The following NALF1 variants were observed in gnomAD, a reference collection of about 807,000 sequenced individuals.
NALF1 encodes the protein family with sequence similarity 155 member A.
In NALF1, 3 loss-of-function variants were observed where a neutral mutation model predicts 48.4. That is an observed-to-expected ratio of 0.06 (90% confidence interval 0.03 to 0.16). The LOEUF is 0.16. Ranked by LOEUF, NALF1 falls within the 10% of genes least tolerant of loss-of-function variation. The probability of loss-of-function intolerance (pLI) is 1.00; values close to 1 mark genes in which losing one functional copy is unlikely to be tolerated. For synonymous variants in NALF1, 262 were observed against 245.7 expected (o/e 1.07, Z -0.62); for missense variants, 526 against 571.5 (o/e 0.92, Z 0.81).
intron 1 of NALF1, among the ~76,000 whole-genome samples, chr13:107,620,656 T>TTTAGTATACAA (rs1879495106): frequency 6.6e-6 from 1 of 152,170 alleles, no homozygotes; most frequent in Non-Finnish European, 1.5e-5. Flanking sequence ...ATAGAAATTG[T>TTTAGTATACAA]AACCACTGTG....
Position 107,262,769 on chromosome 13 carries a change from G to GCTCTCTCTCTCTCTCT in NALF1, c.916-52030_916-52015dup, listed in dbSNP as rs1555329321. Among the ~76,000 whole-genome samples the GCTCTCTCTCTCTCTCT allele has an allele frequency of 8.0e-3, 1,154 of 144,066 alleles. 16 individuals carry two copies. Among genetic ancestry groups the GCTCTCTCTCTCTCTCT allele is most frequent in the African/African-American group, 0.02 (752 of 37,780 alleles). 94.5% of individuals were successfully genotyped at this position (144,066 alleles called of 152,430 possible). A position where few individuals can be genotyped will look rare whatever the true frequency, so the allele number is the denominator to read the frequency against. On this transcript the variant is annotated intron_variant, in intron 1 of 2. Coordinates refer to ENST00000375915, the MANE Select transcript of NALF1 (RefSeq NM_001080396.3). The stretch of plus-strand genomic sequence containing the variant: ...ATATTAAGTTGCATAACCCACAGGC[G>GCTCTCTCTCTCTCTCT]CTCTCTCTCTCTCTCTCTCTCTCTC...
chr13:107,559,026 G>A (rs1187737538), intron 1 of NALF1, among the ~76,000 whole-genome samples: 2 of 152,188 alleles, frequency 1.3e-5, no homozygotes, highest in Non-Finnish European at 2.9e-5. Context: ...GGACCAGATC[G>A]TGGGACTTCT....
At chr13:107,474,805 T>C (rs762414486) in intron 1 of NALF1, among the ~76,000 whole-genome samples, 1 of 152,116 alleles carries the variant, frequency 6.6e-6, no homozygotes, top group Non-Finnish European at 1.5e-5. Flanking sequence ...TGAAATGAAG[T>C]GTATAATGTC....
chr13:107,789,907 A>G (rs79922766), intron 1 of NALF1, among the ~76,000 whole-genome samples: 1,668 of 152,336 alleles, frequency 0.011, 21 homozygotes, highest in Middle Eastern at 0.027. Flanking sequence ...AATAAGGATA[A>G]AAGAAACTAA....
chr13:107,660,477 ACACAC>A (rs1438065270), intron 1 of NALF1, among the ~76,000 whole-genome samples: 1 of 121,260 alleles, frequency 8.2e-6, no homozygotes, highest in Non-Finnish European at 1.7e-5. Context: ...ACACACACAC[ACACAC>A]ACAACAAAGA....
At chr13:107,719,804 T>C (rs1163036144) in intron 1 of NALF1, among the ~76,000 whole-genome samples, 1 of 152,138 alleles carries the variant, frequency 6.6e-6, no homozygotes, top group South Asian at 2.1e-4. Flanking sequence ...CAACCCTTCA[T>C]TGCCTCTAAC....
chr13:107,203,992 AGCTGG>A (rs1566449998), intron 2 of NALF1, among the ~76,000 whole-genome samples: 2 of 136,606 alleles, frequency 1.5e-5, no homozygotes, highest in Non-Finnish European at 3.3e-5. Flanking sequence ...CACCCAGGTG[AGCTGG>A]AGGCAGAGAG....
At chr13:107,497,250 A>G (rs542817718) in intron 1 of NALF1, among the ~76,000 whole-genome samples, 2 of 152,334 alleles carry the variant, frequency 1.3e-5, no homozygotes, top group East Asian at 3.9e-4. Flanking sequence ...TTTGAGATAT[A>G]TAATTTTAGT....
At chr13:107,782,157 G>C (rs1466725199) in intron 1 of NALF1, among the ~76,000 whole-genome samples, 1 of 152,168 alleles carries the variant, frequency 6.6e-6, no homozygotes, top group African/African-American at 2.4e-5. Context: ...CTCCCTGCCT[G>C]ATTCTCCTGC....
At chr13:107,757,737 A>C (rs1357891472) in intron 1 of NALF1, among the ~76,000 whole-genome samples, 1 of 151,888 alleles carries the variant, frequency 6.6e-6, no homozygotes, top group Non-Finnish European at 1.5e-5. Context: ...CCTTAAGAAA[A>C]CTCTTAAGAG....
chr13:107,394,560 G>A (rs1338804188), intron 1 of NALF1, among the ~76,000 whole-genome samples: 3 of 152,106 alleles, frequency 2.0e-5, no homozygotes, highest in Admixed American at 6.6e-5. Flanking sequence ...TAAGGCTGGT[G>A]ATACTGCATA....
In NALF1 at chr13:107,199,529, T is replaced by C. The variant is rs554547312; in HGVS notation, c.1087+11055A>G. ...CATTCTGGGGTGCTGGGGGTTAGGA[T>C]GTCAACATCTGAATTTGGAGAACAG... On this transcript the variant is annotated intron_variant, in intron 2 of 2. Transcript: ENST00000375915. Among the ~76,000 whole-genome samples the C allele has an allele frequency of 3.9e-5, 6 of 152,230 alleles. No individual in the cohort carries two copies. In the South Asian group the frequency reaches 1.2e-3, roughly 32 times the overall value.
At chr13:107,623,458 AAT>A (rs201795316) in intron 1 of NALF1, among the ~76,000 whole-genome samples, 58 of 143,180 alleles carry the variant, frequency 4.1e-4, no homozygotes, top group Admixed American at 1.8e-3. Context: ...AAAAAAAAAA[AAT>A]ATTACTCCCC....
intron 1 of NALF1, among the ~76,000 whole-genome samples, chr13:107,449,656 G>T (rs1884708751): frequency 6.6e-6 from 1 of 152,086 alleles, no homozygotes; most frequent in African/African-American, 2.4e-5. Flanking sequence ...CATCAATCTG[G>T]CCTTGGAGTT....
At chr13:107,573,033 G>A (rs895289956) in intron 1 of NALF1, among the ~76,000 whole-genome samples, 5 of 151,946 alleles carry the variant, frequency 3.3e-5, no homozygotes, top group South Asian at 2.1e-4. Flanking sequence ...GCAACCATCC[G>A]GGACTCTTCC....
At chr13:107,215,063 T>C (rs918117854) in intron 1 of NALF1, among the ~76,000 whole-genome samples, 1 of 152,056 alleles carries the variant, frequency 6.6e-6, no homozygotes, top group Non-Finnish European at 1.5e-5. Flanking sequence ...CTGGAGTCAC[T>C]AAGGTGAGAC....
In NALF1 at chr13:107,302,109, G is replaced by A. The variant is rs942319005; in HGVS notation, c.916-91354C>T. 2.0e-5 allele frequency among the ~76,000 whole-genome samples: 3 copies of A among 152,066 alleles called. No homozygotes were observed. The East Asian group carries it at 5.8e-4, about 29-fold the overall frequency. Reference sequence around the variant, plus strand: ...GATTAATGGATAAATGCATTATCACGGGAGTGGGACTGGTGGCTTCAAAAG... The same window carrying A: ...GATTAATGGATAAATGCATTATCACAGGAGTGGGACTGGTGGCTTCAAAAG... On this transcript the variant is annotated intron_variant, in intron 1 of 2. Transcript: ENST00000375915.
chr13:107,437,332 G>T (rs1383727819), intron 1 of NALF1, among the ~76,000 whole-genome samples: 3 of 152,134 alleles, frequency 2.0e-5, no homozygotes, highest in Non-Finnish European at 4.4e-5. Flanking sequence ...TGACCTGGCG[G>T]CTTCTTATAA....
At chr13:107,832,635 G>A (rs1879774911) in intron 1 of NALF1, among the ~76,000 whole-genome samples, 1 of 152,044 alleles carries the variant, frequency 6.6e-6, no homozygotes, top group African/African-American at 2.4e-5. Flanking sequence ...AGGGTCCTTC[G>A]CAACTCCTCG....
Sources: allele counts gnomAD v4.1 joint callset (sites outside exome capture counted in the v4.1 genomes callset), GRCh38; gene constraint gnomAD v4.1.1; transcripts MANE v1.5; gene names NCBI Gene and HGNC (gene_info 2026-07-23, HGNC 2026-07-21).